TNFRSF8: variants seen among roughly 807,000 people sequenced by gnomAD.
TNFRSF8 encodes the protein TNF receptor superfamily member 8.
Under a neutral mutation model 70.8 loss-of-function variants are expected in TNFRSF8, and 26 were observed. The observed-to-expected ratio is 0.37, with a 90% CI of 0.27 to 0.51. The LOEUF is 0.51. Ranked by LOEUF, TNFRSF8 falls within the 20% of genes least tolerant of loss-of-function variation. TNFRSF8 has a pLI of 0.94. For missense variants in TNFRSF8, 720 were observed against 807.9 expected, an observed-to-expected ratio of 0.89 and a Z score of 1.32; for synonymous variants, 356 against 339.2, an observed-to-expected ratio of 1.05 and a Z score of -0.54.
intron 1 of TNFRSF8, among the ~76,000 whole-genome samples, chr1:12,071,725 G>A (rs1187322275): frequency 3.3e-5 from 5 of 151,936 alleles, no homozygotes; most frequent in South Asian, 2.1e-4. Flanking sequence ...CACCACGCCC[G>A]GCTAATTTTT....
intron 12 of TNFRSF8, among the ~76,000 whole-genome samples, chr1:12,128,415 C>T (rs1357837426): frequency 6.6e-6 from 1 of 152,210 alleles, no homozygotes; most frequent in African/African-American, 2.4e-5. Flanking sequence ...AACCAGCCCT[C>T]GAGTGGATCG....
rs774205222 is a variant in TNFRSF8 at position 12,104,536 on chromosome 1, G to C, written c.421+5G>C. ...GGATGATTGTCAAGTTCCCAGGTCAGTGTCCCCACCCTTAACTCAGGACAG... is the reference window on the plus strand; with the variant it reads ...GGATGATTGTCAAGTTCCCAGGTCACTGTCCCCACCCTTAACTCAGGACAG... On this transcript the variant is annotated splice_donor_5th_base_variant and intron_variant, in intron 4 of 14. Coordinates refer to ENST00000263932, the MANE Select transcript of TNFRSF8 (RefSeq NM_001243.5). 1 of 1,614,160 alleles carries C rather than the reference G, an allele frequency of 6.2e-7. No homozygotes were observed. Among genetic ancestry groups the C allele is most frequent in the Non-Finnish European group, 8.5e-7 (1 of 1,180,050 alleles).
Position 12,104,545 on chromosome 1 carries a change from C to T in TNFRSF8, c.421+14C>T, listed in dbSNP as rs375456218. On this transcript the variant is annotated intron_variant, in intron 4 of 14. Transcript: ENST00000263932. ...TCAAGTTCCCAGGTCAGTGTCCCCA[C>T]CCTTAACTCAGGACAGAGATCTATG... is the stretch of plus-strand genomic sequence containing the variant. The T allele has an allele frequency of 3.1e-5, 50 of 1,614,128 alleles. No individual in the cohort carries two copies. The highest frequency in any genetic ancestry group is 4.1e-5 in the Non-Finnish European group (48 of 1,180,020).
In TNFRSF8 at chr1:12,115,760, C is replaced by T. The variant is rs901045810; in HGVS notation, c.946+31C>T. On this transcript the variant is annotated intron_variant, in intron 8 of 14. Coordinates refer to ENST00000263932, the MANE Select transcript of TNFRSF8 (RefSeq NM_001243.5). Reference sequence around the variant, plus strand: ...CAGTTCCCACCCCAGGCCTCGACCACAGGGTGGAGTCTGTGCCCCCACTGT... The same window carrying T: ...CAGTTCCCACCCCAGGCCTCGACCATAGGGTGGAGTCTGTGCCCCCACTGT... The T allele has an allele frequency of 7.1e-5, 114 of 1,608,776 alleles. No individual in the cohort carries two copies. In the African/African-American group the frequency reaches 9.4e-4, roughly 13 times the overall value.
intron 3 of TNFRSF8, among the ~76,000 whole-genome samples, chr1:12,104,076 T>G (rs1641472704): frequency 6.6e-6 from 1 of 152,204 alleles, no homozygotes; most frequent in Non-Finnish European, 1.5e-5. Flanking sequence ...GTCTCGATAG[T>G]TTCATCTTTT....
At position 12,104,996 on chromosome 1, in the gene TNFRSF8, A is replaced by G. The variant is rs530964550; in HGVS notation, c.421+465A>G. On this transcript the variant is annotated intron_variant, in intron 4 of 14. Coordinates refer to ENST00000263932, the MANE Select transcript of TNFRSF8 (RefSeq NM_001243.5). ...TCCAACTTATCGTGTGACCTCAGAC[A>G]AGTTTCTTACCTCTCTGACTTCTAC... Among the ~76,000 whole-genome samples, 8 of 152,268 alleles carry G rather than the reference A, an allele frequency of 5.3e-5. No individual in the cohort carries two copies. In the South Asian group the frequency reaches 1.7e-3, roughly 32 times the overall value.
chr1:12,142,182 C>T lies in TNFRSF8; in HGVS notation c.1544-105C>T. On this transcript the variant is annotated intron_variant, in intron 14 of 14. Coordinates refer to ENST00000263932, the MANE Select transcript of TNFRSF8 (RefSeq NM_001243.5). The surrounding 1 kb of genome is among the most constrained non-coding windows in gnomAD (Gnocchi z 5.0). ...AGGCTGTGCCATCAGCCTGAAGCCA[C>T]CCGGCAGGTGTACCAGCACTGGGCC... is the stretch of plus-strand genomic sequence containing the variant. 1.4e-6 allele frequency: 2 copies of T among 1,441,028 alleles called. No individual in the cohort carries two copies. The highest frequency in any genetic ancestry group is 2.9e-5 in the South Asian group (2 of 68,314). The allele number at this position is 1,441,028 out of a possible 1,614,324, so 89.3% of individuals were successfully genotyped here. A position where few individuals can be genotyped will look rare whatever the true frequency, so the allele number is the denominator to read the frequency against.
In TNFRSF8 at chr1:12,138,198, C is replaced by G. The variant is rs1159131359; in HGVS notation, c.1336-31C>G. On this transcript the variant is annotated intron_variant, in intron 13 of 14. Transcript: ENST00000263932. The surrounding 1 kb of genome is among the most constrained non-coding windows in gnomAD (Gnocchi z 5.7). Reference sequence around the variant, plus strand: ...GAGACTGGTGGGGAGGTTGGGGGTACCCTGCAGCAGCACCCATTCCCGTCC... The same window carrying G: ...GAGACTGGTGGGGAGGTTGGGGGTAGCCTGCAGCAGCACCCATTCCCGTCC... The G allele has an allele frequency of 2.5e-6, 4 of 1,606,908 alleles. No homozygotes were observed. The highest frequency in any genetic ancestry group is 3.4e-6 in the Non-Finnish European group (4 of 1,175,524).
rs568680621 is a variant in TNFRSF8 at position 12,069,040 on chromosome 1, T to G, written c.63+5379T>G. On this transcript the variant is annotated intron_variant, in intron 1 of 14. Coordinates refer to ENST00000263932, the MANE Select transcript of TNFRSF8 (RefSeq NM_001243.5). ...GTGCATGCCACCATGCCTGGCTAAT[T>G]TTTTGTATTTTTAGTAGAGATGGGG... 1.5e-3 allele frequency among the ~76,000 whole-genome samples: 206 copies of G among 139,162 alleles called. 1 individual carries two copies. The highest frequency in any genetic ancestry group is 5.3e-3 in the African/African-American group (195 of 37,072). 91.3% of individuals were successfully genotyped at this position (139,162 alleles called of 152,430 possible). A position where few individuals can be genotyped will look rare whatever the true frequency, so the allele number is the denominator to read the frequency against.
At chr1:12,085,532 A>G (rs1055751137) in intron 2 of TNFRSF8, among the ~76,000 whole-genome samples, 1 of 152,176 alleles carries the variant, frequency 6.6e-6, no homozygotes, top group East Asian at 1.9e-4. Flanking sequence ...GATTACAGGC[A>G]TGAGCCTCCA....
rs147203103 is a variant in TNFRSF8 at position 12,113,389 on chromosome 1, G to A, written c.793+1375G>A. ...GGGTTTCACCATGTTGGCCAGGCTG[G>A]TCCCAAACTCCTGGCCTCAAGTGAT... is the stretch of plus-strand genomic sequence containing the variant. On this transcript the variant is annotated intron_variant, in intron 7 of 14. Coordinates refer to ENST00000263932, the MANE Select transcript of TNFRSF8 (RefSeq NM_001243.5). This position sits in a 1 kb window ranked among gnomAD's most constrained non-coding sequence, Gnocchi z 4.9. 0.053 allele frequency among the ~76,000 whole-genome samples: 8,100 copies of A among 152,226 alleles called. 280 individuals carry two copies. Among genetic ancestry groups the A allele is most frequent in the Non-Finnish European group, 0.074 (5,007 of 68,006 alleles).
At chr1:12,128,927 C>T (rs577035049) in intron 12 of TNFRSF8, among the ~76,000 whole-genome samples, 7 of 150,760 alleles carry the variant, frequency 4.6e-5, no homozygotes, top group South Asian at 2.1e-4. Context: ...CTCCGCCTCA[C>T]GGGTTCAAGT....
intron 1 of TNFRSF8, among the ~76,000 whole-genome samples, chr1:12,076,449 AT>A (rs1569987059): frequency 6.6e-6 from 1 of 151,866 alleles, no homozygotes. Context: ...CGCTTTTCAT[AT>A]TTTTTTCTTC....
At chr1:12,102,908 T>C (rs1641449651) in intron 3 of TNFRSF8, among the ~76,000 whole-genome samples, 1 of 151,908 alleles carries the variant, frequency 6.6e-6, no homozygotes, top group Non-Finnish European at 1.5e-5. Context: ...TCTTTTTGAT[T>C]CGAGTCATTC....
intron 1 of TNFRSF8, chr1:12,080,476 C>A: frequency 1.9e-6 from 1 of 522,402 alleles, no homozygotes; most frequent in South Asian, 1.4e-5. Flanking sequence ...ACTCTGTGGT[C>A]AGTGGGAACT....
At chr1:12,122,038 C>T (rs372427789) in intron 8 of TNFRSF8, among the ~76,000 whole-genome samples, 3 of 152,056 alleles carry the variant, frequency 2.0e-5, no homozygotes, top group South Asian at 2.1e-4. Flanking sequence ...TAAAGCAGAT[C>T]GGTGGTTGCC....
chr1:12,097,159 G>C lies in TNFRSF8; in HGVS notation c.210G>C (p.Glu70Asp), dbSNP rs1641345432. The C allele has an allele frequency of 3.1e-6, 5 of 1,614,022 alleles. No homozygotes were observed. The East Asian group carries it at 1.1e-4, about 36-fold the overall frequency. ...CTACTGACTGCAGGAAGCAGTGTGAGCCTGACTACTACCTGGATGAGGCCG... is the reference window on the plus strand; with the variant it reads ...CTACTGACTGCAGGAAGCAGTGTGACCCTGACTACTACCTGGATGAGGCCG... Reference protein sequence around the residue: ...QRPTDCRKQCEPDYYLDEADR... With the variant: ...QRPTDCRKQCDPDYYLDEADR... Residue 70 changes from glutamate to aspartate, a missense_variant, in exon 3 of 15, where the codon GAG (glutamate) becomes GAC (aspartate). Physicochemically the swap from Glu to Asp is conservative, Grantham distance 45. Coordinates refer to ENST00000263932, the MANE Select transcript of TNFRSF8 (RefSeq NM_001243.5).
chr1:12,083,371 C>G (rs1316328359), intron 1 of TNFRSF8, among the ~76,000 whole-genome samples: 1 of 152,164 alleles, frequency 6.6e-6, no homozygotes, highest in Non-Finnish European at 1.5e-5. Context: ...GCAGCACTAT[C>G]ATAATAACCA....
intron 12 of TNFRSF8, among the ~76,000 whole-genome samples, chr1:12,131,360 G>A (rs891511198): frequency 1.3e-5 from 2 of 152,166 alleles, no homozygotes; most frequent in Non-Finnish European, 2.9e-5. Context: ...TGAGGCAGGA[G>A]AATTTCTTGA....
Sources: gnomAD v4.1 joint callset for allele counts (sites outside exome capture counted in the v4.1 genomes callset) on GRCh38, gnomAD v4.1.1 for gene constraint, Gnocchi (gnomAD v3.1) non-coding constraint, MANE v1.5 for transcripts, NCBI Gene and HGNC (gene_info 2026-07-23, HGNC 2026-07-21) for gene names.